The following AKAP13 variants were observed in gnomAD, a reference collection of about 807,000 sequenced individuals.
The protein encoded by AKAP13 is A-kinase anchoring protein 13.
In AKAP13, 80 loss-of-function variants were observed where a neutral mutation model predicts 264.5. The ratio of observed to expected loss-of-function variants is 0.30; its 90% CI spans 0.25 to 0.36. The LOEUF (loss-of-function observed/expected upper bound fraction) is 0.36. Ranked by LOEUF, AKAP13 falls within the 10% of genes least tolerant of loss-of-function variation. The pLI is 1.00. For synonymous variants in AKAP13, 1,380 were observed against 1,250.2 expected (o/e 1.10, Z -2.19); for missense variants, 3,712 against 3,435.2 (o/e 1.08, Z -2.01).
chr15:85,407,230 C>CTT (rs796411972), intron 1 of AKAP13, among the ~76,000 whole-genome samples: 4 of 132,174 alleles, frequency 3.0e-5, no homozygotes, highest in African/African-American at 5.7e-5. Flanking sequence ...TGTGCTGGGT[C>CTT]TTTTTTTTTT....
chr15:85,546,321 A>AACACACACACACACACACACACACAC (rs60271542), intron 5 of AKAP13, among the ~76,000 whole-genome samples: 4 of 145,176 alleles, frequency 2.8e-5, no homozygotes, highest in Middle Eastern at 3.3e-3. Flanking sequence ...GTTGTTACCA[A>AACACACACACACACACACACACACAC]ACACACACAC....
At chr15:85,569,392 G>A (rs1417419773) in intron 5 of AKAP13, among the ~76,000 whole-genome samples, 1 of 151,916 alleles carries the variant, frequency 6.6e-6, no homozygotes, top group African/African-American at 2.4e-5. Flanking sequence ...GGATTTTTGT[G>A]GATGGCAAAT....
chr15:85,735,094 C>G lies in AKAP13; in HGVS notation c.7385C>G (p.Pro2462Arg). 6.2e-7 allele frequency: 1 copy of G among 1,614,156 alleles called. No homozygotes were observed. Among genetic ancestry groups the G allele is most frequent in the Non-Finnish European group, 8.5e-7 (1 of 1,180,030 alleles). Residue 2462 changes from proline (P) to arginine (R), a missense_variant, in exon 31 of 37, where the codon CCC becomes CGC. Physicochemically the swap from Pro to Arg is moderately radical, Grantham distance 103. Transcript: ENST00000394518. The stretch of plus-strand genomic sequence containing the variant: ...GATGTGGTCGGTCCCGTTTCCCTGC[C>G]CCGGAGAGCAGAGACCTTTGGAGGA... ...EQDVVGPVSL[P>R]RRAETFGGFD...
chr15:85,707,520 A>T (rs752641819), intron 17 of AKAP13, among the ~76,000 whole-genome samples: 1 of 152,238 alleles, frequency 6.6e-6, no homozygotes, highest in Non-Finnish European at 1.5e-5. Flanking sequence ...GCTTTATTAC[A>T]GTCATACAAA....
intron 5 of AKAP13, among the ~76,000 whole-genome samples, chr15:85,559,305 A>G (rs1307341361): frequency 6.6e-6 from 1 of 152,174 alleles, no homozygotes; most frequent in Admixed American, 6.5e-5. Context: ...GTGTATAAAT[A>G]CAAATTTAAA....
intron 8 of AKAP13, among the ~76,000 whole-genome samples, chr15:85,617,669 A>G (rs185421657): frequency 6.6e-6 from 1 of 152,334 alleles, no homozygotes; most frequent in African/African-American, 2.4e-5. Context: ...AACAAACCAT[A>G]TTGAGGACAG....
At chr15:85,401,040 T>G (rs1356258189) in intron 1 of AKAP13, among the ~76,000 whole-genome samples, 1 of 151,926 alleles carries the variant, frequency 6.6e-6, no homozygotes, top group East Asian at 1.9e-4. Context: ...TTTCATATTT[T>G]TATTGGAGAT....
chr15:85,716,017 A>G, intron 20 of AKAP13, 94 bp downstream of exon 20: 2 of 1,143,456 alleles, frequency 1.7e-6, no homozygotes. Context: ...TTTTTTTTTT[A>G]AGAAATAAAT....
chr15:85,500,082 AG>A (rs2076001589), intron 2 of AKAP13, among the ~76,000 whole-genome samples: 1 of 152,176 alleles, frequency 6.6e-6, no homozygotes, highest in African/African-American at 2.4e-5. Context: ...CTTTTTGGTT[AG>A]GATTTATGAC....
At chr15:85,546,343 C>CACACACACAA (rs1389215447) in intron 5 of AKAP13, among the ~76,000 whole-genome samples, 1 of 151,798 alleles carries the variant, frequency 6.6e-6, no homozygotes, top group Non-Finnish European at 1.5e-5. Flanking sequence ...CACACACACA[C>CACACACACAA]ACACACACAC....
chr15:85,527,113 C>T (rs1038944981), intron 3 of AKAP13, among the ~76,000 whole-genome samples: 4 of 152,092 alleles, frequency 2.6e-5, no homozygotes, highest in African/African-American at 9.7e-5. Flanking sequence ...CAGGCGCCCG[C>T]CACCACGCCC....
At chr15:85,684,578 C>T (rs572797705) in intron 15 of AKAP13, 163 bp from the exon 16 acceptor site, 13 of 654,548 alleles carry the variant, frequency 2.0e-5, no homozygotes, top group African/African-American at 7.3e-5. Context: ...ACATTAGTGA[C>T]GGATCTAAGG....
chr15:85,543,876 A>G lies in AKAP13; in HGVS notation c.583A>G (p.Ile195Val), dbSNP rs755124507. The change falls in exon 5 of 37, where the codon ATC becomes GTC. Residue 195 changes from isoleucine to valine, a missense_variant. Physicochemically the swap from Ile to Val is conservative, Grantham distance 29. Around this residue, in one of 3 missense-constraint regions of AKAP13, gnomAD observed 2,759 missense variants for 2,411.7 expected, o/e 1.14. Transcript: ENST00000394518. Reference protein sequence around the residue: ...QKPGGRGALSIHNQEGATPVS... With the variant: ...QKPGGRGALSVHNQEGATPVS... ...GCCAGGTGGCCGCGGAGCTCTCAGT[A>G]TCCACAACCAGGAAGGGGCGACGCC... 1.1e-5 allele frequency: 18 copies of G among 1,613,976 alleles called. No individual in the cohort carries two copies. The African/African-American group carries it at 2.3e-4, about 20-fold the overall frequency.
intron 5 of AKAP13, among the ~76,000 whole-genome samples, 180 bp from the exon 6 acceptor site, chr15:85,574,951 T>C (rs1218398787): frequency 1.3e-5 from 2 of 152,182 alleles, no homozygotes; most frequent in Admixed American, 1.3e-4. Context: ...TTGTGATCTC[T>C]TGTGAGGAGG....
At chr15:85,434,699 C>A (rs943076032) in intron 1 of AKAP13, among the ~76,000 whole-genome samples, 1 of 152,196 alleles carries the variant, frequency 6.6e-6, no homozygotes, top group African/African-American at 2.4e-5. Flanking sequence ...AGGTACCCCC[C>A]AGCAGGGGCA....
chr15:85,399,289 G>A (rs183674269), intron 1 of AKAP13, among the ~76,000 whole-genome samples: 6,218 of 151,230 alleles, frequency 0.041, 392 homozygotes, highest in African/African-American at 0.14. Context: ...GAGGTCAGGA[G>A]ATCGAGACCA....
chr15:85,511,169 G>T (rs1184594052), intron 2 of AKAP13, among the ~76,000 whole-genome samples: 1 of 151,998 alleles, frequency 6.6e-6, no homozygotes, highest in Non-Finnish European at 1.5e-5. Context: ...TTATATCCTT[G>T]CCTCTTTTGG....
intron 3 of AKAP13, among the ~76,000 whole-genome samples, chr15:85,526,553 G>GACCC (rs1001555711): frequency 3.9e-5 from 6 of 152,102 alleles, no homozygotes; most frequent in Non-Finnish European, 8.8e-5. Flanking sequence ...TTACAGGCGT[G>GACCC]ACCCACCATA....
At chr15:85,621,862 A>C (rs562069801) in intron 8 of AKAP13, among the ~76,000 whole-genome samples, 47 of 152,346 alleles carry the variant, frequency 3.1e-4, no homozygotes, top group African/African-American at 1.1e-3. Context: ...ACAAACCTAC[A>C]GCTAATAAAG....
Sources: allele counts gnomAD v4.1 joint callset (sites outside exome capture counted in the v4.1 genomes callset), GRCh38; gene constraint gnomAD v4.1.1; regional missense constraint gnomAD v4.1.1; transcripts MANE v1.5; gene names NCBI Gene and HGNC (gene_info 2026-07-23, HGNC 2026-07-21).